FHIT: variants seen among roughly 807,000 people sequenced by gnomAD.
FHIT encodes fragile histidine triad diadenosine triphosphatase.
Under a neutral mutation model 17.9 loss-of-function variants are expected in FHIT, and 19 were observed. The observed-to-expected ratio is 1.06, with a 90% confidence interval of 0.74 to 1.56. The LOEUF is 1.56. Among genes scored for constraint, FHIT ranks in the 40% most tolerant of loss-of-function variants. The pLI is 0.00. For missense variants in FHIT, 248 were observed against 189.2 expected (o/e 1.31, Z -1.82); for synonymous variants, 81 against 69.7 (o/e 1.16, Z -0.81).
chr3:59,863,968 C>T (rs1273832815), intron 8 of FHIT, among the ~76,000 whole-genome samples: 1 of 152,116 alleles, frequency 6.6e-6, no homozygotes, highest in Non-Finnish European at 1.5e-5. Flanking sequence ...TGTGGCTTGC[C>T]ATGGCCAATG....
chr3:60,920,172 G>C (rs1428030083), intron 3 of FHIT, among the ~76,000 whole-genome samples: 2 of 152,146 alleles, frequency 1.3e-5, no homozygotes, highest in Non-Finnish European at 2.9e-5. Context: ...TATAAGGCTG[G>C]TGTGAGAAGC....
chr3:60,523,297 T>G (rs1403679540), intron 5 of FHIT, among the ~76,000 whole-genome samples: 3 of 152,172 alleles, frequency 2.0e-5, no homozygotes, highest in Non-Finnish European at 4.4e-5. Context: ...TTACTTTCCT[T>G]TTACTACTTC....
At chr3:60,890,230 A>T (rs1705445511) in intron 3 of FHIT, among the ~76,000 whole-genome samples, 1 of 34,064 alleles carries the variant, frequency 2.9e-5, no homozygotes. Flanking sequence ...GTAAAAAAAA[A>T]AAAAAAAAAA....
At chr3:60,978,760 G>A (rs6446170) in intron 3 of FHIT, among the ~76,000 whole-genome samples, 1,679 of 152,270 alleles carry the variant, frequency 0.011, 26 homozygotes, top group African/African-American at 0.032. Context: ...AATGACTAAA[G>A]AGCCTAAAGC....
At chr3:61,025,960 T>C (rs2032709878) in intron 3 of FHIT, among the ~76,000 whole-genome samples, 1 of 152,224 alleles carries the variant, frequency 6.6e-6, no homozygotes, top group Non-Finnish European at 1.5e-5. Context: ...TACCCTATTA[T>C]ATATTATTTT....
At chr3:60,084,248 T>C (rs912495641) in intron 5 of FHIT, among the ~76,000 whole-genome samples, 5 of 152,160 alleles carry the variant, frequency 3.3e-5, no homozygotes, top group Non-Finnish European at 7.4e-5. Context: ...TTTGAATTTA[T>C]TTAGAGTAAG....
chr3:60,704,858 C>G (rs1311495216), intron 4 of FHIT, among the ~76,000 whole-genome samples: 1 of 147,262 alleles, frequency 6.8e-6, no homozygotes, highest in Non-Finnish European at 1.5e-5. Context: ...ATTCTTACTT[C>G]TCAGAGATAT....
chr3:60,511,753 T>C (rs902228726), intron 5 of FHIT, among the ~76,000 whole-genome samples: 2 of 152,138 alleles, frequency 1.3e-5, no homozygotes, highest in African/African-American at 4.8e-5. Flanking sequence ...ATGAACCATA[T>C]AGCTAATTCC....
rs369393366 is a variant in FHIT at position 61,044,383 on chromosome 3, C to G, written c.-163-2284G>C. On this transcript the variant is annotated intron_variant, in intron 2 of 9. Transcript: ENST00000492590. ...CGATCAAGTGGAAGAAAGGGTATCA[C>G]TGATTGAAGACCAAATGAATGAAAT... Among the ~76,000 whole-genome samples the G allele has an allele frequency of 3.3e-5, 5 of 152,178 alleles. No individual in the cohort carries two copies. The East Asian group carries it at 5.8e-4, about 18-fold the overall frequency.
At chr3:60,788,224 C>T (rs1700651516) in intron 4 of FHIT, among the ~76,000 whole-genome samples, 4 of 152,140 alleles carry the variant, frequency 2.6e-5, no homozygotes, top group East Asian at 1.9e-4. Context: ...CCCAGGAGTT[C>T]GAACTGCAGT....
intron 3 of FHIT, among the ~76,000 whole-genome samples, chr3:61,040,495 A>G (rs1473170762): frequency 2.0e-5 from 3 of 152,226 alleles, no homozygotes; most frequent in African/African-American, 7.2e-5. Flanking sequence ...TAGACTATCT[A>G]ATTTGTTAAA....
chr3:61,226,821 C>T (rs1331792138), intron 1 of FHIT, among the ~76,000 whole-genome samples: 4 of 152,036 alleles, frequency 2.6e-5, no homozygotes, highest in Non-Finnish European at 2.9e-5. Flanking sequence ...TTTCATCCTC[C>T]AGCCAATTAG....
At chr3:61,179,942 T>A (rs1412860478) in intron 2 of FHIT, among the ~76,000 whole-genome samples, 1 of 152,272 alleles carries the variant, frequency 6.6e-6, no homozygotes, top group Non-Finnish European at 1.5e-5. Context: ...TTTACAAGTA[T>A]ACAAATCCTA....
At position 60,067,259 on chromosome 3, in the gene FHIT, T is replaced by C. The variant is rs146735902; in HGVS notation, c.104-53107A>G. Among the ~76,000 whole-genome samples, 451 of 152,270 alleles carry C rather than the reference T, an allele frequency of 3.0e-3. 1 individual carries two copies. Among genetic ancestry groups the C allele is most frequent in the African/African-American group, 0.01 (422 of 41,562 alleles). On this transcript the variant is annotated intron_variant, in intron 5 of 9. Coordinates refer to ENST00000492590, the MANE Select transcript of FHIT (RefSeq NM_002012.4). ...TATAGATACATTTGCTAAATAGATA[T>C]GGAAGTCTATCTGAAGACCTAGCAC...
intron 4 of FHIT, among the ~76,000 whole-genome samples, chr3:60,751,959 A>G (rs1324732114): frequency 6.6e-6 from 1 of 152,248 alleles, no homozygotes; most frequent in African/African-American, 2.4e-5. Flanking sequence ...ATGTAGATGT[A>G]TATTTATCAA....
intron 4 of FHIT, among the ~76,000 whole-genome samples, chr3:60,699,270 G>C (rs2041184110): frequency 1.3e-5 from 2 of 152,250 alleles, no homozygotes; most frequent in Admixed American, 1.3e-4. Context: ...TCCAGAAATA[G>C]TATAGCTGGA....
intron 5 of FHIT, among the ~76,000 whole-genome samples, chr3:60,446,679 C>G (rs1431827095): frequency 3.3e-5 from 5 of 151,942 alleles, no homozygotes; most frequent in Non-Finnish European, 7.4e-5. Flanking sequence ...TAGCAAGACC[C>G]TGTCTCCACA....
At chr3:60,125,159 G>T (rs1008720949) in intron 5 of FHIT, among the ~76,000 whole-genome samples, 8 of 152,186 alleles carry the variant, frequency 5.3e-5, no homozygotes, top group Non-Finnish European at 1.0e-4. Flanking sequence ...GACCTCCAAA[G>T]GTCATGGAGC....
At chr3:59,898,990 C>T (rs1412450654) in intron 8 of FHIT, among the ~76,000 whole-genome samples, 3 of 152,156 alleles carry the variant, frequency 2.0e-5, no homozygotes, top group African/African-American at 7.2e-5. Flanking sequence ...AAGCTGAAAA[C>T]AAACAGAAAG....
Sources: gnomAD v4.1 joint callset for allele counts (sites outside exome capture counted in the v4.1 genomes callset) on GRCh38, gnomAD v4.1.1 for gene constraint, MANE v1.5 for transcripts, NCBI Gene and HGNC (gene_info 2026-07-23, HGNC 2026-07-21) for gene names.